Variants in GRM5 observed in about 807,000 individuals in gnomAD.
The protein encoded by GRM5 is metabotropic glutamate receptor 5.
A neutral mutation model predicts 83.1 loss-of-function variants in GRM5; 19 were observed. That is an observed-to-expected ratio of 0.23 (90% CI 0.16 to 0.34). The LOEUF is 0.34. Ranked by LOEUF, GRM5 falls within the 10% of genes least tolerant of loss-of-function variation. The probability of loss-of-function intolerance (pLI) is 1.00; values close to 1 mark genes in which losing one functional copy is unlikely to be tolerated. For missense variants in GRM5, 1,160 were observed against 1,588.3 expected (o/e 0.73, Z 4.58); for synonymous variants, 675 against 633.6 (o/e 1.07, Z -0.98).
intron 2 of GRM5, among the ~76,000 whole-genome samples, chr11:88,926,720 A>G (rs768996756): frequency 3.3e-5 from 5 of 152,172 alleles, no homozygotes; most frequent in African/African-American, 4.8e-5. Flanking sequence ...CTTCTAAATC[A>G]TAGAGAAATC....
chr11:89,064,616 T>C (rs1565358069), intron 1 of GRM5, among the ~76,000 whole-genome samples: 2 of 152,202 alleles, frequency 1.3e-5, no homozygotes, highest in Middle Eastern at 3.4e-3. Flanking sequence ...GGGACCTTCA[T>C]GTCCCCAAAT....
intron 8 of GRM5, among the ~76,000 whole-genome samples, chr11:88,531,614 G>C (rs570642444): frequency 6.6e-6 from 1 of 152,194 alleles, no homozygotes; most frequent in East Asian, 1.9e-4. Context: ...AGAAATTGCA[G>C]ACTCTCTGAG....
chr11:88,541,909 T>C (rs1223092027), intron 8 of GRM5, among the ~76,000 whole-genome samples: 1 of 152,178 alleles, frequency 6.6e-6, no homozygotes, highest in Non-Finnish European at 1.5e-5. Flanking sequence ...GTTTCCCCCA[T>C]GCTCTTCTCA....
intron 6 of GRM5, 72 bp downstream of exon 6, chr11:88,597,112 T>A: frequency 1.0e-6 from 1 of 978,496 alleles, no homozygotes; most frequent in Non-Finnish European, 1.5e-6. Context: ...CTAAAATTTT[T>A]AAAAATAGCC....
chr11:89,062,072 G>A (rs1364572008), intron 1 of GRM5, among the ~76,000 whole-genome samples: 1 of 152,110 alleles, frequency 6.6e-6, no homozygotes, highest in Non-Finnish European at 1.5e-5. Context: ...TTGACGGGAC[G>A]CACACTACTA....
rs113511785 is a variant in GRM5, at chr11:88,548,572, C to T, written c.2630+18481G>A. Among the ~76,000 whole-genome samples the T allele has an allele frequency of 2.3e-3, 352 of 152,262 alleles. 4 individuals carry two copies. Among genetic ancestry groups the T allele is most frequent in the African/African-American group, 7.8e-3 (326 of 41,552 alleles). ...CTCCACAAATATACTTCAATTATTA[C>T]GGAGCCAAACCATTTAATTAATCAC... is the stretch of plus-strand genomic sequence containing the variant. On this transcript the variant is annotated intron_variant, in intron 8 of 9. Transcript: ENST00000305447.
At position 88,507,584 on chromosome 11, in the gene GRM5, G is replaced by A. The variant is rs772822669; in HGVS notation, c.*1008C>T. On this transcript the variant is annotated 3_prime_UTR_variant, in exon 10 of 10. Transcript: ENST00000305447. Reference sequence around the variant, plus strand: ...AACAAAGGAGCTCTTTGTGCATCAGGTTCTCAAAATAAAGGAATGAAGAAG... The same window carrying A: ...AACAAAGGAGCTCTTTGTGCATCAGATTCTCAAAATAAAGGAATGAAGAAG... 2 of 152,170 alleles carry A rather than the reference G, an allele frequency of 1.3e-5. No homozygotes were observed. The highest frequency in any genetic ancestry group is 2.9e-5 in the Non-Finnish European group (2 of 68,030). 9.4% of individuals were successfully genotyped at this position (152,170 alleles called of 1,614,324 possible). A position where few individuals can be genotyped will look rare whatever the true frequency, so the allele number is the denominator to read the frequency against.
chr11:88,774,661 G>C (rs1489692433), intron 3 of GRM5, among the ~76,000 whole-genome samples: 1 of 152,164 alleles, frequency 6.6e-6, no homozygotes, highest in Non-Finnish European at 1.5e-5. Context: ...TAGCCTGAAG[G>C]GCTGTTGAAT....
intron 2 of GRM5, among the ~76,000 whole-genome samples, chr11:89,038,729 T>A (rs1442456817): frequency 6.6e-6 from 1 of 152,228 alleles, no homozygotes; most frequent in Non-Finnish European, 1.5e-5. Context: ...TAGGGTTTTT[T>A]GTTTCCCAGG....
At chr11:88,811,583 T>C (rs1943589365) in intron 3 of GRM5, among the ~76,000 whole-genome samples, 1 of 152,112 alleles carries the variant, frequency 6.6e-6, no homozygotes, top group African/African-American at 2.4e-5. Flanking sequence ...TTTTTGCAGA[T>C]TGGGCTCACT....
intron 8 of GRM5, among the ~76,000 whole-genome samples, chr11:88,552,780 G>C (rs191111974): frequency 3.9e-5 from 6 of 152,264 alleles, no homozygotes; most frequent in Admixed American, 3.9e-4. Flanking sequence ...TTTAAAAGCT[G>C]TCTGCTCCTC....
At chr11:88,902,162 T>TTTTG (rs1402286280) in intron 2 of GRM5, among the ~76,000 whole-genome samples, 3 of 152,012 alleles carry the variant, frequency 2.0e-5, no homozygotes, top group Non-Finnish European at 4.4e-5. Context: ...TTTGTTTTTT[T>TTTTG]TTTGTTTGTT....
At chr11:88,598,182 C>T (rs541793418) in intron 5 of GRM5, among the ~76,000 whole-genome samples, 1 of 152,028 alleles carries the variant, frequency 6.6e-6, no homozygotes, top group Non-Finnish European at 1.5e-5. Context: ...TACTGTTTAC[C>T]CCCTCAGGAC....
intron 4 of GRM5, among the ~76,000 whole-genome samples, chr11:88,641,117 T>C (rs1939281839): frequency 6.6e-6 from 1 of 152,082 alleles, no homozygotes. Flanking sequence ...AGGAAGCTTT[T>C]ACTCATGGTG....
At chr11:88,650,428 C>T (rs1939600167) in intron 4 of GRM5, among the ~76,000 whole-genome samples, 1 of 151,744 alleles carries the variant, frequency 6.6e-6, no homozygotes, top group Non-Finnish European at 1.5e-5. Flanking sequence ...ACCAGCTTTC[C>T]AAAAACATGA....
At chr11:88,627,553 G>A (rs1219060443) in intron 4 of GRM5, among the ~76,000 whole-genome samples, 1 of 152,082 alleles carries the variant, frequency 6.6e-6, no homozygotes. Flanking sequence ...CTGTACAACA[G>A]CCACATGTGC....
chr11:88,576,356 G>T (rs1943109836), intron 7 of GRM5, among the ~76,000 whole-genome samples: 1 of 152,130 alleles, frequency 6.6e-6, no homozygotes, highest in Non-Finnish European at 1.5e-5. Context: ...TATTAGTATT[G>T]TCTCTTTGAA....
At chr11:88,546,900 G>T (rs1242268037) in intron 8 of GRM5, among the ~76,000 whole-genome samples, 1 of 152,014 alleles carries the variant, frequency 6.6e-6, no homozygotes, top group African/African-American at 2.4e-5. Flanking sequence ...ATACTATGAG[G>T]AATTGCCAGT....
At chr11:88,674,124 A>G (rs1940263915) in intron 3 of GRM5, among the ~76,000 whole-genome samples, 1 of 151,842 alleles carries the variant, frequency 6.6e-6, no homozygotes, top group Non-Finnish European at 1.5e-5. Context: ...TTTAGGTGTG[A>G]GAGGGAGTGT....
Sources: allele counts gnomAD v4.1 joint callset (sites outside exome capture counted in the v4.1 genomes callset), GRCh38; gene constraint gnomAD v4.1.1; transcripts MANE v1.5; gene names NCBI Gene and HGNC (gene_info 2026-07-23, HGNC 2026-07-21).